The following CELF1 variants were observed in gnomAD, a reference collection of about 807,000 sequenced individuals.
The protein encoded by CELF1 is CUGBP Elav-like family member 1.
Under a neutral mutation model 61.8 loss-of-function variants are expected in CELF1, and 10 were observed. That is an observed-to-expected ratio of 0.16 (90% CI 0.10 to 0.27). The LOEUF (loss-of-function observed/expected upper bound fraction) is 0.27, where lower values mean the gene tolerates loss of function less well. Ranked by LOEUF, CELF1 falls within the 10% of genes least tolerant of loss-of-function variation. The probability of loss-of-function intolerance (pLI) is 1.00; values close to 1 mark genes in which losing one functional copy is unlikely to be tolerated. For synonymous variants in CELF1, 236 were observed against 225.1 expected (o/e 1.05, Z -0.43); for missense variants, 380 against 639.1 (o/e 0.59, Z 4.37).
chr11:47,474,259 C>T (rs1268289814), intron 13 of CELF1, among the ~76,000 whole-genome samples: 1 of 152,240 alleles, frequency 6.6e-6, no homozygotes, highest in East Asian at 1.9e-4. Context: ...TCTCCAGCCA[C>T]CCTGGCCTCC....
Position 47,467,791 on chromosome 11 carries a change from CA to C in CELF1, c.*4438del, listed in dbSNP as rs1203850346. 2.0e-5 allele frequency: 3 copies of C among 152,214 alleles called. No individual in the cohort carries two copies. Among genetic ancestry groups the C allele is most frequent in the Non-Finnish European group, 4.4e-5 (3 of 68,068 alleles). The allele number at this position is 152,214 out of a possible 1,614,324, so 9.4% of individuals were successfully genotyped here. On this transcript the variant is annotated 3_prime_UTR_variant, in exon 15 of 15. Coordinates refer to ENST00000687097, the MANE Select transcript of CELF1 (RefSeq NM_001376376.1). The stretch of plus-strand genomic sequence containing the variant: ...AAGACCTGGAGGCCACACGAAGTGA[CA>C]GTCTAAGTGCACAGGCAAACGCTCT...
chr11:47,473,039 A>C, intron 14 of CELF1, 49 bp downstream of exon 14: 1 of 1,580,910 alleles, frequency 6.3e-7, no homozygotes, highest in Non-Finnish European at 8.6e-7. Context: ...CTTCTTTCTC[A>C]GTGGTAAAAT....
Position 47,508,697 on chromosome 11 carries a change from CAT to C in CELF1, c.-153-7767_-153-7766del, listed in dbSNP as rs779431426. On this transcript the variant is annotated intron_variant, in intron 1 of 14. Coordinates refer to ENST00000687097, the MANE Select transcript of CELF1 (RefSeq NM_001376376.1). ...TCAAACACACACACACACACACACA[CAT>C]AAATAAACAACACTGTAATCTTCCA... Among the ~76,000 whole-genome samples the C allele has an allele frequency of 1.6e-3, 236 of 147,368 alleles. 1 individual carries two copies. The highest frequency in any genetic ancestry group is 5.7e-3 in the African/African-American group (217 of 37,978).
At chr11:47,530,305 A>G (rs1258309317) in intron 1 of CELF1, among the ~76,000 whole-genome samples, 1 of 152,220 alleles carries the variant, frequency 6.6e-6, no homozygotes, top group Non-Finnish European at 1.5e-5. Flanking sequence ...AAATAGAAGC[A>G]AAGACATGAA....
intron 1 of CELF1, among the ~76,000 whole-genome samples, chr11:47,541,674 G>T (rs2096777268): frequency 7.6e-6 from 1 of 131,730 alleles, no homozygotes; most frequent in African/African-American, 3.2e-5. Context: ...CCTGGTGACA[G>T]GGCGAGACTG....
chr11:47,544,789 C>A (rs964658116), intron 1 of CELF1, among the ~76,000 whole-genome samples: 3 of 151,786 alleles, frequency 2.0e-5, no homozygotes, highest in Non-Finnish European at 4.4e-5. Flanking sequence ...ATGGAGAAAC[C>A]CCATCTCTAC....
intron 6 of CELF1, 122 bp downstream of exon 6, chr11:47,486,628 C>T (rs1350076366): frequency 1.4e-5 from 11 of 760,828 alleles, no homozygotes; most frequent in Middle Eastern, 2.4e-4. Context: ...CAGACTGGCT[C>T]GAACTCCGGC....
At chr11:47,475,184 C>T in intron 13 of CELF1, 152 bp downstream of exon 13, 4 of 667,310 alleles carry the variant, frequency 6.0e-6, no homozygotes, top group Non-Finnish European at 1.0e-5. Flanking sequence ...GATCACACTT[C>T]ACAGGGTTTC....
chr11:47,565,360 G>A (rs913804720), exon 1 of CELF1: 1 of 250,116 alleles, frequency 4.0e-6, no homozygotes, highest in Non-Finnish European at 7.6e-6. Context: ...GGGCTCACAC[G>A]TGTCTGGCCT....
upstream of CELF1, among the ~76,000 whole-genome samples, chr11:47,557,999 G>A (rs1237554761): frequency 1.3e-5 from 2 of 151,970 alleles, no homozygotes; most frequent in African/African-American, 4.8e-5. Context: ...GGAATTACCT[G>A]TACCTGCCAG....
At chr11:47,553,559 C>T (rs1481251564), upstream of CELF1, among the ~76,000 whole-genome samples, 2 of 152,220 alleles carry the variant, frequency 1.3e-5, no homozygotes, top group Non-Finnish European at 2.9e-5. Context: ...GAGTGAGTGA[C>T]TGGTGCTTGG....
intron 1 of CELF1, among the ~76,000 whole-genome samples, chr11:47,503,067 A>G (rs578073975): frequency 1.3e-5 from 2 of 152,280 alleles, no homozygotes; most frequent in African/African-American, 2.4e-5. Context: ...CTACTTTTTA[A>G]AAGAGCAACA....
intron 13 of CELF1, among the ~76,000 whole-genome samples, chr11:47,474,177 G>A (rs950848139): frequency 2.6e-5 from 4 of 152,282 alleles, no homozygotes; most frequent in Middle Eastern, 3.4e-3. Flanking sequence ...GATTACAGGC[G>A]CGAGCCACTG....
chr11:47,558,647 TTA>T (rs1374582119), intron 2 of CELF1, among the ~76,000 whole-genome samples: 1 of 110,534 alleles, frequency 9.0e-6, no homozygotes, highest in Non-Finnish European at 1.7e-5. Flanking sequence ...GTGTAATATA[TTA>T]GATATAATAT....
intron 1 of CELF1, among the ~76,000 whole-genome samples, chr11:47,550,637 C>T (rs2097114215): frequency 6.6e-6 from 1 of 151,856 alleles, no homozygotes; most frequent in South Asian, 2.1e-4. Flanking sequence ...ATTTAACAAT[C>T]ATCTCTGAGT....
In CELF1 at chr11:47,553,123, A is replaced by G. The variant is rs1487505218; in HGVS notation, c.-285T>C. 2.5e-6 allele frequency: 1 copy of G among 396,710 alleles called. No homozygotes were observed. The highest frequency in any genetic ancestry group is 4.4e-6 in the Non-Finnish European group (1 of 224,914). The allele number at this position is 396,710 out of a possible 1,614,324, so 24.6% of individuals were successfully genotyped here. ...CCGCCGCCGCTGCCGCTGCCGCCAG[A>G]GCAGAACACCCCAAAATGGCGGCAC... On this transcript the variant is annotated 5_prime_UTR_variant, in exon 1 of 15. Transcript: ENST00000687097.
chr11:47,494,666 C>G (rs1365716340), intron 3 of CELF1: 4 of 174,954 alleles, frequency 2.3e-5, no homozygotes, highest in African/African-American at 7.2e-5. Flanking sequence ...AGTGACTAAA[C>G]CATGTGGTGG....
Position 47,467,958 on chromosome 11 carries a change from G to A in CELF1, c.*4272C>T, listed in dbSNP as rs1446937671. Reference sequence around the variant, plus strand: ...GTTTTTGCACAAACTATAGAAAACAGAGAGGTGAAGGTGATATATACGAAG... The same window carrying A: ...GTTTTTGCACAAACTATAGAAAACAAAGAGGTGAAGGTGATATATACGAAG... On this transcript the variant is annotated 3_prime_UTR_variant, in exon 15 of 15. Transcript: ENST00000687097. 6.6e-6 allele frequency: 1 copy of A among 152,208 alleles called. No individual in the cohort carries two copies. The highest frequency in any genetic ancestry group is 2.4e-5 in the African/African-American group (1 of 41,468). The allele number at this position is 152,208 out of a possible 1,614,324, so 9.4% of individuals were successfully genotyped here.
chr11:47,481,626 T>A lies in CELF1; in HGVS notation c.768+1069A>T, dbSNP rs149809449. 2.0e-5 allele frequency among the ~76,000 whole-genome samples: 3 copies of A among 152,346 alleles called. No homozygotes were observed. In the East Asian group the frequency reaches 5.8e-4, roughly 29 times the overall value. On this transcript the variant is annotated intron_variant, in intron 9 of 14. Transcript: ENST00000687097. ...TATCATCCATACAAATCTAGTGGTT[T>A]CACCATTAATAGCCTAAGATGACCT...
Sources: gnomAD v4.1 joint callset for allele counts (sites outside exome capture counted in the v4.1 genomes callset) on GRCh38, gnomAD v4.1.1 for gene constraint, MANE v1.5 for transcripts, NCBI Gene and HGNC (gene_info 2026-07-23, HGNC 2026-07-21) for gene names.